USP26: variants seen among roughly 807,000 people sequenced by gnomAD.
The protein encoded by USP26 is ubiquitin specific peptidase 26.
For missense variants in USP26, 649 were observed against 642.3 expected, an observed-to-expected ratio of 1.01 and a Z score of -0.11; for synonymous variants, 236 against 240.6, an observed-to-expected ratio of 0.98 and a Z score of 0.18.
At chrX:133,087,945 G>A (rs1490889423) in intron 4 of USP26, among the ~76,000 whole-genome samples, 1 of 111,530 alleles carries the variant, frequency 9.0e-6, no homozygotes, top group African/African-American at 3.3e-5. Flanking sequence ...TAAGGTGAGA[G>A]GATTGCTTGA....
At chrX:133,088,130 A>G (rs1039894938) in intron 4 of USP26, among the ~76,000 whole-genome samples, 1 of 111,533 alleles carries the variant, frequency 9.0e-6, no homozygotes, top group Non-Finnish European at 1.9e-5. Context: ...TGATCATGCC[A>G]CTGCACTCCA....
chrX:133,069,243 C>G (rs2067522737), intron 5 of USP26, among the ~76,000 whole-genome samples: 1 of 111,622 alleles, frequency 9.0e-6, no homozygotes, highest in Admixed American at 9.6e-5. Context: ...TAATGGCATT[C>G]CAAGAGAAGG....
Position 133,025,127 on chromosome X carries a change from G to A in USP26, c.*352C>T. On this transcript the variant is annotated 3_prime_UTR_variant, in exon 6 of 6. Transcript: ENST00000511190. ...TCCCTCTCTTTTCAGGAGGCTGAGAGAGAATCGCTTGATGCCAGGAGTTTG... is the reference window on the plus strand; with the variant it reads ...TCCCTCTCTTTTCAGGAGGCTGAGAAAGAATCGCTTGATGCCAGGAGTTTG... 4.5e-6 allele frequency: 1 copy of A among 221,812 alleles called. No homozygotes were observed. Among genetic ancestry groups the A allele is most frequent in the South Asian group, 8.8e-5 (1 of 11,332 alleles). 18.3% of individuals were successfully genotyped at this position (221,812 alleles called of 1,213,427 possible).
At chrX:133,049,576 A>T (rs2067452040) in intron 5 of USP26, among the ~76,000 whole-genome samples, 1 of 112,498 alleles carries the variant, frequency 8.9e-6, no homozygotes, top group Admixed American at 9.4e-5. Flanking sequence ...CTTGAAAAAC[A>T]TGCACAGACA....
At position 133,090,498 on chromosome X, in the gene USP26, C is replaced by T. The variant is rs182440229; in HGVS notation, c.-256+220G>A. Among the ~76,000 whole-genome samples, 249 of 112,553 alleles carry T rather than the reference C, an allele frequency of 2.2e-3. 2 individuals carry two copies. The highest frequency in any genetic ancestry group is 7.5e-3 in the African/African-American group (233 of 31,064). ...GTAAACTTTGGTTAGAAGATCCCCA[C>T]TCTAAGGTTTGGTATTCCCATGTAC... On this transcript the variant is annotated intron_variant, in intron 3 of 5. Transcript: ENST00000511190.
intron 1 of USP26, among the ~76,000 whole-genome samples, chrX:133,096,475 C>A (rs1312482249): frequency 9.0e-6 from 1 of 111,524 alleles, no homozygotes; most frequent in Non-Finnish European, 1.9e-5. Context: ...CAAAAGATAA[C>A]CACAAATATT....
chrX:133,027,898 G>T lies in USP26; in HGVS notation c.323C>A (p.Pro108Gln). The T allele has an allele frequency of 8.3e-7, 1 of 1,210,340 alleles. No homozygotes were observed. ...LDRVHQNEVQ[P>Q]PVRPGKGGSV... ...CCCACCCTTACCAGGTCTCACAGGT[G>T]GCTGAACCTCGTTTTGATGAACTCT... is the stretch of plus-strand genomic sequence containing the variant. Residue 108 changes from proline to glutamine, a missense_variant, in exon 6 of 6, where the codon CCA (proline) becomes CAA (glutamine). By Grantham distance (76) the Pro-to-Gln change is moderately conservative (BLOSUM62 -1). Coordinates refer to ENST00000511190, the MANE Select transcript of USP26 (RefSeq NM_031907.3).
At chrX:133,079,117 G>A (rs919955415) in intron 5 of USP26, among the ~76,000 whole-genome samples, 5 of 111,714 alleles carry the variant, frequency 4.5e-5, no homozygotes, top group Non-Finnish European at 9.4e-5. Context: ...TCCTGATCAA[G>A]CTTCTACATT....
chrX:133,054,911 G>A (rs2067470571), intron 5 of USP26, among the ~76,000 whole-genome samples: 1 of 112,242 alleles, frequency 8.9e-6, no homozygotes, highest in Non-Finnish European at 1.9e-5. Context: ...CTATTTATCA[G>A]CTTAAAGATC....
At chrX:133,083,830 A>G (rs958163468) in intron 4 of USP26, 59 bp from the exon 5 acceptor site, 1 of 111,456 alleles carries the variant, frequency 9.0e-6, no homozygotes, top group Admixed American at 9.5e-5. Flanking sequence ...AGCAGTTTAT[A>G]CATACTCCTT....
intron 5 of USP26, among the ~76,000 whole-genome samples, chrX:133,029,444 A>C (rs1277196220): frequency 8.9e-6 from 1 of 112,403 alleles, no homozygotes; most frequent in Non-Finnish European, 1.9e-5. Flanking sequence ...ACGAAAGTGC[A>C]TATGCATCCA....
intron 5 of USP26, among the ~76,000 whole-genome samples, chrX:133,035,472 C>T (rs759742525): frequency 1.7e-4 from 19 of 111,983 alleles, no homozygotes; most frequent in Non-Finnish European, 3.4e-4. Context: ...CCTCCCATGA[C>T]AGAACCAGCT....
In USP26 at chrX:133,023,905, T is replaced by C. The variant is rs1304240576; in HGVS notation, c.*1574A>G. Among the ~76,000 whole-genome samples, 1 of 112,016 alleles carries C rather than the reference T, an allele frequency of 8.9e-6. No individual in the cohort carries two copies. Among genetic ancestry groups the C allele is most frequent in the East Asian group, 2.8e-4 (1 of 3,541 alleles). On this transcript the variant is annotated 3_prime_UTR_variant, in exon 6 of 6. Transcript: ENST00000511190. ...CATACCCCATATACAAGGGGGCATATTCCTATTGGTAAAGGTGTGACTGAA... is the reference window on the plus strand; with the variant it reads ...CATACCCCATATACAAGGGGGCATACTCCTATTGGTAAAGGTGTGACTGAA...
At chrX:133,046,014 A>G (rs2067438829) in intron 5 of USP26, 1 of 111,899 alleles carries the variant, frequency 8.9e-6, no homozygotes, top group Non-Finnish European at 1.9e-5. Context: ...AAGCAGGAGT[A>G]TGACAGAGGT....
At chrX:133,052,653 G>A (rs1263372283) in intron 5 of USP26, among the ~76,000 whole-genome samples, 2 of 112,090 alleles carry the variant, frequency 1.8e-5, no homozygotes, top group Non-Finnish European at 3.8e-5. Context: ...AAAAGTCCCA[G>A]GAAAAGCAGT....
chrX:133,030,813 T>C (rs193254229), intron 5 of USP26, among the ~76,000 whole-genome samples: 24 of 112,384 alleles, frequency 2.1e-4, no homozygotes, highest in Admixed American at 1.7e-3. Flanking sequence ...AAAATTATTT[T>C]CTTTCAAGTA....
rs12353558 is a variant in USP26 at position 133,084,803 on chromosome X, C to T, written c.-141-1032G>A. Among the ~76,000 whole-genome samples the T allele has an allele frequency of 4.7e-3, 522 of 111,234 alleles. 3 individuals carry two copies. Among genetic ancestry groups the T allele is most frequent in the African/African-American group, 0.016 (487 of 30,570 alleles). On this transcript the variant is annotated intron_variant, in intron 4 of 5. Coordinates refer to ENST00000511190, the MANE Select transcript of USP26 (RefSeq NM_031907.3). ...TGGTGTTTGGTTACATGAATAAGTT[C>T]TTTAGTGGTGATGTGTGAGATTTGG... is the stretch of plus-strand genomic sequence containing the variant.
chrX:133,030,150 C>T (rs1432151330), intron 5 of USP26, among the ~76,000 whole-genome samples: 1 of 111,678 alleles, frequency 9.0e-6, no homozygotes, highest in African/African-American at 3.2e-5. Flanking sequence ...ATGACAGCTG[C>T]ATTCAAAAGT....
At chrX:133,048,579 C>G (rs765709733) in intron 5 of USP26, among the ~76,000 whole-genome samples, 1 of 94,307 alleles carries the variant, frequency 1.1e-5, no homozygotes, top group African/African-American at 4.0e-5. Flanking sequence ...CAGAGTCTGG[C>G]TCTGTCGCCC....
Sources: gnomAD v4.1 joint callset for allele counts (sites outside exome capture counted in the v4.1 genomes callset) on GRCh38, gnomAD v4.1.1 for gene constraint, MANE v1.5 for transcripts, NCBI Gene and HGNC (gene_info 2026-07-23, HGNC 2026-07-21) for gene names.